STK32B: variants seen among roughly 807,000 people sequenced by gnomAD.
The protein encoded by STK32B is serine/threonine-protein kinase 32B.
Under a neutral mutation model 52.6 loss-of-function variants are expected in STK32B, and 43 were observed. The ratio of observed to expected loss-of-function variants is 0.82; its 90% CI spans 0.64 to 1.05. STK32B has a LOEUF of 1.05. STK32B is among the 50% of genes least tolerant of loss of function. The probability of loss-of-function intolerance (pLI) is 0.00; values close to 1 mark genes in which losing one functional copy is unlikely to be tolerated. For synonymous variants in STK32B, 238 were observed against 204.3 expected (o/e 1.17, Z -1.41); for missense variants, 621 against 534.6 (o/e 1.16, Z -1.59).
At chr4:5,377,372 G>T (rs542576349) in intron 4 of STK32B, among the ~76,000 whole-genome samples, 3 of 152,192 alleles carry the variant, frequency 2.0e-5, no homozygotes. Flanking sequence ...TAGAGAAATG[G>T]TTCCCAATTT....
At chr4:5,257,203 G>A (rs962921179) in intron 3 of STK32B, among the ~76,000 whole-genome samples, 1 of 152,092 alleles carries the variant, frequency 6.6e-6, no homozygotes, top group Non-Finnish European at 1.5e-5. Flanking sequence ...GAGTGAATGA[G>A]TGAGTGAGCA....
intron 3 of STK32B, among the ~76,000 whole-genome samples, chr4:5,313,807 G>A (rs1026689210): frequency 1.3e-5 from 2 of 151,962 alleles, no homozygotes; most frequent in Non-Finnish European, 2.9e-5. Flanking sequence ...ACGAACATGT[G>A]GAAAGCAACA....
chr4:5,032,476 C>CAAAAAAAAAAAAAAAA, the STK32B span, among the ~76,000 whole-genome samples: 1 of 49,692 alleles, frequency 2.0e-5, no homozygotes, highest in African/African-American at 8.2e-5. Context: ...GACTCCATCT[C>CAAAAAAAAAAAAAAAA]AAAAAAAAAA....
chr4:5,310,248 C>T (rs965007537), intron 3 of STK32B, among the ~76,000 whole-genome samples: 5 of 152,068 alleles, frequency 3.3e-5, no homozygotes, highest in Non-Finnish European at 7.4e-5. Flanking sequence ...AGTAAATAAA[C>T]AACCTTCAGA....
intron 3 of STK32B, among the ~76,000 whole-genome samples, chr4:5,315,201 A>G (rs1730584297): frequency 6.6e-6 from 1 of 152,220 alleles, no homozygotes; most frequent in Admixed American, 6.5e-5. Context: ...ACATACAAAT[A>G]AACACATGAA....
rs557729829 is a variant in STK32B, at chr4:5,139,703, T to C, written c.53-202T>C. Reference sequence around the variant, plus strand: ...TGTGGAGTGAAGGGAAGGCTTCAGATGGACAATTTGTGTGCTGGGGAAAAA... The same window carrying C: ...TGTGGAGTGAAGGGAAGGCTTCAGACGGACAATTTGTGTGCTGGGGAAAAA... On this transcript the variant is annotated intron_variant, in intron 1 of 11. Transcript: ENST00000282908. 161 of 586,276 alleles carry C rather than the reference T, an allele frequency of 2.7e-4. No individual in the cohort carries two copies. The East Asian group carries it at 4.3e-3, about 15-fold the overall frequency. The allele number at this position is 586,276 out of a possible 1,614,324, so 36.3% of individuals were successfully genotyped here.
chr4:5,305,054 G>T (rs1000594758), intron 3 of STK32B, among the ~76,000 whole-genome samples: 1 of 146,282 alleles, frequency 6.8e-6, no homozygotes, highest in Non-Finnish European at 1.5e-5. Context: ...GATCATGGTG[G>T]ATTATTTTTT....
At chr4:5,144,784 T>TCATTCATTCATCCATCCATC (rs1553835869) in intron 2 of STK32B, among the ~76,000 whole-genome samples, 8 of 95,698 alleles carry the variant, frequency 8.4e-5, no homozygotes, top group Admixed American at 4.5e-4. Flanking sequence ...ACTCATTCAC[T>TCATTCATTCATCCATCCATC]CATCCATCCA....
At chr4:5,196,705 A>G (rs1721704270) in intron 3 of STK32B, among the ~76,000 whole-genome samples, 2 of 149,524 alleles carry the variant, frequency 1.3e-5, no homozygotes, top group Admixed American at 6.8e-5. Flanking sequence ...TGGGCGGCAG[A>G]GCGAGACTCT....
intron 2 of STK32B, 99 bp from the exon 3 acceptor site, chr4:5,168,200 G>T (rs964343263): frequency 1.4e-6 from 2 of 1,457,248 alleles, no homozygotes; most frequent in Non-Finnish European, 1.8e-6. Context: ...GAACAGGGAC[G>T]TGAATCCAGA....
the STK32B span, among the ~76,000 whole-genome samples, chr4:5,031,669 T>C: frequency 6.6e-6 from 1 of 152,154 alleles, no homozygotes; most frequent in Non-Finnish European, 1.5e-5. Flanking sequence ...GGGCCAATCA[T>C]GAGAATGCCA....
chr4:5,250,485 G>A (rs758993606), intron 3 of STK32B, among the ~76,000 whole-genome samples: 2 of 151,868 alleles, frequency 1.3e-5, no homozygotes, highest in Non-Finnish European at 2.9e-5. Flanking sequence ...GCTAATTTTT[G>A]TAGTTTTAGT....
intron 1 of STK32B, among the ~76,000 whole-genome samples, chr4:5,065,575 C>T (rs933301222): frequency 6.6e-6 from 1 of 152,158 alleles, no homozygotes; most frequent in East Asian, 1.9e-4. Context: ...TGCAGTGTCT[C>T]GCCTGTGCCT....
intron 4 of STK32B, among the ~76,000 whole-genome samples, chr4:5,331,594 G>A (rs778503307): frequency 7.9e-5 from 12 of 152,038 alleles, no homozygotes; most frequent in Non-Finnish European, 1.5e-4. Context: ...TCCTATACCC[G>A]TACACTACTG....
In STK32B at chr4:5,168,428, C is replaced by T. The variant is rs550835158; in HGVS notation, c.238C>T (p.His80Tyr). ...RELQIMQGLEHPFLVNLWYSF... is the reference protein window; with the variant it reads ...RELQIMQGLEYPFLVNLWYSF... ...GCTGCAGATCATGCAAGGGCTGGAG[C>T]ACCCCTTCCTGGTCAATCTGTGGTG... The change falls in exon 3 of 12, where the codon CAC (histidine) becomes TAC (tyrosine). Residue 80 changes from histidine (H) to tyrosine (Y), a missense_variant. His to Tyr is a moderately conservative substitution (Grantham distance 83). Transcript: ENST00000282908. The T allele has an allele frequency of 1.2e-6, 2 of 1,613,464 alleles. No homozygotes were observed. Among genetic ancestry groups the T allele is most frequent in the Non-Finnish European group, 1.7e-6 (2 of 1,179,800 alleles).
At chr4:5,357,857 A>C (rs1255606106) in intron 4 of STK32B, among the ~76,000 whole-genome samples, 1 of 152,104 alleles carries the variant, frequency 6.6e-6, no homozygotes, top group East Asian at 1.9e-4. Context: ...TGTACCAAAA[A>C]TAAATTGCCA....
intron 4 of STK32B, among the ~76,000 whole-genome samples, chr4:5,383,323 T>A (rs1223657956): frequency 6.6e-6 from 1 of 152,164 alleles, no homozygotes; most frequent in Non-Finnish European, 1.5e-5. Context: ...GGCTCCTGGT[T>A]CCACCTACCC....
chr4:5,084,423 T>C (rs1305619226), intron 1 of STK32B, among the ~76,000 whole-genome samples: 1 of 152,136 alleles, frequency 6.6e-6, no homozygotes, highest in African/African-American at 2.4e-5. Flanking sequence ...ATTCAGTAAA[T>C]TATGATAATT....
intron 1 of STK32B, among the ~76,000 whole-genome samples, chr4:5,110,442 G>GAAATAAA (rs1472723710): frequency 3.3e-5 from 5 of 152,196 alleles, no homozygotes; most frequent in Admixed American, 2.0e-4. Flanking sequence ...GGAGAACTCA[G>GAAATAAA]AAATAAAGCC....
Sources: allele counts gnomAD v4.1 joint callset (sites outside exome capture counted in the v4.1 genomes callset), GRCh38; gene constraint gnomAD v4.1.1; transcripts MANE v1.5; gene names NCBI Gene and HGNC (gene_info 2026-07-23, HGNC 2026-07-21).